The following KIF13A variants were observed in gnomAD, a reference collection of about 807,000 sequenced individuals.
The protein encoded by KIF13A is kinesin family member 13A, also known as kinesin-like protein KIF13A.
In KIF13A, 79 loss-of-function variants were observed where a neutral mutation model predicts 212.2. The ratio of observed to expected loss-of-function variants is 0.37; its 90% CI spans 0.31 to 0.45. KIF13A has a LOEUF of 0.45. KIF13A is among the 20% of genes least tolerant of loss of function. The pLI is 1.00. For synonymous variants in KIF13A, 789 were observed against 808.6 expected, an observed-to-expected ratio of 0.98 and a Z score of 0.41; for missense variants, 1,901 against 2,209.0, an observed-to-expected ratio of 0.86 and a Z score of 2.79.
chr6:17,903,880 C>T (rs1773264471), intron 2 of KIF13A, among the ~76,000 whole-genome samples: 1 of 152,150 alleles, frequency 6.6e-6, no homozygotes. Context: ...TGGCTCATGC[C>T]TGTAACCCCA....
At chr6:17,767,411 T>C (rs577401553) in intron 38 of KIF13A, among the ~76,000 whole-genome samples, 2 of 152,260 alleles carry the variant, frequency 1.3e-5, no homozygotes, top group East Asian at 3.9e-4. Context: ...TCCGCCACCA[T>C]GCCCGGCTAA....
chr6:17,987,142 G>C lies in KIF13A; in HGVS notation c.58C>G (p.Leu20Val). 1 of 1,611,178 alleles carries C rather than the reference G, an allele frequency of 6.2e-7. No individual in the cohort carries two copies. Among genetic ancestry groups the C allele is most frequent in the Non-Finnish European group, 8.5e-7 (1 of 1,177,886 alleles). ...VRVRPMNRRE[L>V]ELNTKCVVEM... ...ACCACGCACTTGGTGTTCAGTTCCA[G>C]TTCTGAAAGCAGAGAGAAAGGGACG... is the stretch of plus-strand genomic sequence containing the variant. Residue 20 changes from leucine (L) to valine (V), a missense_variant and splice_region_variant, in exon 2 of 39, where the codon CTG becomes GTG. By Grantham distance (32) the Leu-to-Val change is conservative (BLOSUM62 1). Around this residue, in one of 5 missense-constraint regions of KIF13A, gnomAD observed 506 missense variants for 637.4 expected, o/e 0.79. Transcript: ENST00000259711. The surrounding 1 kb of genome is among the most constrained non-coding windows in gnomAD (Gnocchi z 7.7).
In KIF13A at chr6:17,808,896, G is replaced by A. The variant is rs771797492; in HGVS notation, c.2035C>T (p.Arg679Ter). The A allele has an allele frequency of 5.6e-6, 9 of 1,612,724 alleles. No homozygotes were observed. The highest frequency in any genetic ancestry group is 4.0e-5 in the African/African-American group (3 of 74,860). ...ELFRQSLAKLREQLVKANTLV... is the reference protein window; with the variant it reads ...ELFRQSLAKL ...GTATTAGCTTTAACCAGCTGCTCTC[G>A]CAGTTTTGCCAGGCTTTGTCGGAAG... The change falls in exon 18 of 39, where the codon CGA becomes TGA. Residue 679 changes from arginine (R) to a stop codon, truncating the protein, a stop_gained. Coordinates refer to ENST00000259711, the MANE Select transcript of KIF13A (RefSeq NM_022113.6). LOFTEE classifies it high-confidence loss of function.
Position 17,883,089 on chromosome 6 carries a change from G to A in KIF13A, c.160-9652C>T, listed in dbSNP as rs772290880. On this transcript the variant is annotated intron_variant, in intron 3 of 38. Coordinates refer to ENST00000259711, the MANE Select transcript of KIF13A (RefSeq NM_022113.6). This position sits in a 1 kb window ranked among gnomAD's most constrained non-coding sequence, Gnocchi z 4.8. ...TTTAAAGCAACTTTTGCTGGGTATG[G>A]TGGCTCATGCCTATAATCCCAGTGT... 2.6e-5 allele frequency among the ~76,000 whole-genome samples: 4 copies of A among 152,184 alleles called. No individual in the cohort carries two copies. The highest frequency in any genetic ancestry group is 5.9e-5 in the Non-Finnish European group (4 of 68,044).
chr6:17,964,230 C>T (rs1213143822), intron 2 of KIF13A, among the ~76,000 whole-genome samples: 2 of 152,190 alleles, frequency 1.3e-5, no homozygotes, highest in Admixed American at 6.5e-5. Flanking sequence ...AACTCTCTTC[C>T]TTCTCTTACA....
intron 2 of KIF13A, among the ~76,000 whole-genome samples, chr6:17,940,813 A>ATTTTT (rs1561785103): frequency 1.8e-5 from 1 of 55,970 alleles, no homozygotes; most frequent in African/African-American, 6.6e-5. Context: ...ACACATGTAA[A>ATTTTT]TTTATTTTTT....
intron 3 of KIF13A, among the ~76,000 whole-genome samples, chr6:17,880,457 T>C (rs1056648216): frequency 6.6e-6 from 1 of 151,582 alleles, no homozygotes; most frequent in African/African-American, 2.4e-5. Context: ...TGAAACCCCA[T>C]CTCTACTAAA....
Position 17,768,100 on chromosome 6 carries a change from T to C in KIF13A, c.4581+3014A>G, listed in dbSNP as rs146512388. ...AGGAGATTGAATGTTTATTGAGTTA[T>C]TGCCAATTAAGGGAGGATTTAATTG... On this transcript the variant is annotated intron_variant, in intron 38 of 38. Transcript: ENST00000259711. The surrounding 1 kb of genome is among the most constrained non-coding windows in gnomAD (Gnocchi z 5.4). Among the ~76,000 whole-genome samples, 38 of 152,338 alleles carry C rather than the reference T, an allele frequency of 2.5e-4. No individual in the cohort carries two copies. Among genetic ancestry groups the C allele is most frequent in the African/African-American group, 7.9e-4 (33 of 41,572 alleles).
chr6:17,855,424 A>AC lies in KIF13A; in HGVS notation c.494+12dup. 1 of 1,589,308 alleles carries AC rather than the reference A, an allele frequency of 6.3e-7. No homozygotes were observed. The highest frequency in any genetic ancestry group is 8.6e-7 in the Non-Finnish European group (1 of 1,167,024). ...CCCCCTATTAACACACTTAATCTTG[A>AC]CCACTAACTTACCCTTTGGGGTCTA... On this transcript the variant is annotated intron_variant, in intron 6 of 38. Coordinates refer to ENST00000259711, the MANE Select transcript of KIF13A (RefSeq NM_022113.6). The surrounding 1 kb of genome is among the most constrained non-coding windows in gnomAD (Gnocchi z 4.1).
In KIF13A at chr6:17,837,589, A is replaced by G; in HGVS notation, c.831-6T>C. ...ACCCCAAGGTTGTAAGCGATCTGTC[A>G]AGAAAAAATGAAAAATTAGTTTTAT... On this transcript the variant is annotated splice_region_variant and splice_polypyrimidine_tract_variant and intron_variant, in intron 9 of 38. Coordinates refer to ENST00000259711, the MANE Select transcript of KIF13A (RefSeq NM_022113.6). This position sits in a 1 kb window ranked among gnomAD's most constrained non-coding sequence, Gnocchi z 5.4. The G allele has an allele frequency of 1.3e-6, 2 of 1,572,166 alleles. No individual in the cohort carries two copies. Among genetic ancestry groups the G allele is most frequent in the Non-Finnish European group, 1.7e-6 (2 of 1,152,098 alleles).
chr6:17,759,557 C>T (rs1271742821), downstream of KIF13A: 1 of 152,054 alleles, frequency 6.6e-6, no homozygotes, highest in South Asian at 2.1e-4. Context: ...ACATCCAGAC[C>T]GATTATACAG....
Position 17,834,124 on chromosome 6 carries a change from T to G in KIF13A, c.1156-53A>C, listed in dbSNP as rs543926374. On this transcript the variant is annotated intron_variant, in intron 11 of 38. Transcript: ENST00000259711. The surrounding 1 kb of genome is among the most constrained non-coding windows in gnomAD (Gnocchi z 4.0). ...TGTTCAAAATTTTTCCACCATCATA[T>G]ACAAGACAATCAGTTACTGTCCCTC... 12 of 1,070,310 alleles carry G rather than the reference T, an allele frequency of 1.1e-5. No homozygotes were observed. Among genetic ancestry groups the G allele is most frequent in the Non-Finnish European group, 1.3e-6 (1 of 740,892 alleles). 66.3% of individuals were successfully genotyped at this position (1,070,310 alleles called of 1,614,324 possible).
chr6:17,896,821 C>T (rs959612871), intron 3 of KIF13A, among the ~76,000 whole-genome samples: 3 of 152,106 alleles, frequency 2.0e-5, no homozygotes, highest in Admixed American at 6.5e-5. Context: ...TGTGGAGTTG[C>T]GCAGTATTTC....
intron 2 of KIF13A, among the ~76,000 whole-genome samples, chr6:17,901,661 T>G (rs1166417971): frequency 6.6e-6 from 1 of 152,146 alleles, no homozygotes; most frequent in East Asian, 1.9e-4. Flanking sequence ...TTCAGTGGAG[T>G]CCCAAACCCC....
At chr6:17,767,894 T>G (rs1456728172) in intron 38 of KIF13A, among the ~76,000 whole-genome samples, 1 of 152,120 alleles carries the variant, frequency 6.6e-6, no homozygotes, top group East Asian at 1.9e-4. Flanking sequence ...TCCTCAAGGA[T>G]TAGAATGACA....
At chr6:17,909,818 G>A (rs1773874113) in intron 2 of KIF13A, among the ~76,000 whole-genome samples, 1 of 152,158 alleles carries the variant, frequency 6.6e-6, no homozygotes, top group Non-Finnish European at 1.5e-5. Context: ...CTGGGAGGCA[G>A]AGGTTGCAGT....
At chr6:17,836,783 T>A in intron 11 of KIF13A, 95 bp downstream of exon 11, 3 of 1,070,374 alleles carry the variant, frequency 2.8e-6, no homozygotes, top group Non-Finnish European at 4.2e-6. Context: ...CGAAACCATA[T>A]CAGATGACCT....
chr6:17,959,471 G>A (rs948121587), intron 2 of KIF13A, among the ~76,000 whole-genome samples: 5 of 152,130 alleles, frequency 3.3e-5, no homozygotes, highest in Non-Finnish European at 5.9e-5. Flanking sequence ...TTCTCTGTAG[G>A]AACACATAAG....
chr6:17,934,781 T>G lies in KIF13A; in HGVS notation c.147-36601A>C, dbSNP rs1317581070. On this transcript the variant is annotated intron_variant, in intron 2 of 38. Coordinates refer to ENST00000259711, the MANE Select transcript of KIF13A (RefSeq NM_022113.6). This position sits in a 1 kb window ranked among gnomAD's most constrained non-coding sequence, Gnocchi z 5.4. ...CAGCCTGGGCAACCAAGCAATACCC[T>G]GTCTCCAAAAAAAAAAAAAAGACAC... 8.9e-6 allele frequency among the ~76,000 whole-genome samples: 1 copy of G among 112,760 alleles called. No individual in the cohort carries two copies. The allele number at this position is 112,760 out of a possible 152,430, so 74.0% of individuals were successfully genotyped here. A position where few individuals can be genotyped will look rare whatever the true frequency, so the allele number is the denominator to read the frequency against.
Sources: allele counts gnomAD v4.1 joint callset (sites outside exome capture counted in the v4.1 genomes callset), GRCh38; gene constraint gnomAD v4.1.1; regional missense constraint gnomAD v4.1.1; non-coding constraint Gnocchi (gnomAD v3.1); transcripts MANE v1.5; gene names NCBI Gene and HGNC (gene_info 2026-07-23, HGNC 2026-07-21).